RBFOX1: variants seen among roughly 807,000 people sequenced by gnomAD.
The protein encoded by RBFOX1 is RNA binding protein fox-1 homolog 1.
A neutral mutation model predicts 57.7 loss-of-function variants in RBFOX1; 8 were observed. The observed-to-expected ratio is 0.14, with a 90% CI of 0.08 to 0.25. The LOEUF is 0.25. Among genes scored for constraint, RBFOX1 ranks in the 10% least tolerant of loss-of-function variants. The pLI is 1.00. For missense variants in RBFOX1, 611 were observed against 548.5 expected, an observed-to-expected ratio of 1.11 and a Z score of -1.14; for synonymous variants, 326 against 222.4, an observed-to-expected ratio of 1.47 and a Z score of -4.15.
chr16:6,967,301 A>G (rs761431561), intron 3 of RBFOX1, among the ~76,000 whole-genome samples: 1 of 152,056 alleles, frequency 6.6e-6, no homozygotes, highest in Non-Finnish European at 1.5e-5. Flanking sequence ...TCCATTATTT[A>G]TGTATGGATC....
At chr16:6,615,372 C>G (rs899211557) in intron 2 of RBFOX1, among the ~76,000 whole-genome samples, 6 of 152,098 alleles carry the variant, frequency 3.9e-5, no homozygotes, top group Non-Finnish European at 7.4e-5. Context: ...GAGTTGGAGA[C>G]CAGCCTGGCC....
chr16:7,389,282 C>T (rs750891093), intron 4 of RBFOX1, among the ~76,000 whole-genome samples: 13 of 152,060 alleles, frequency 8.5e-5, no homozygotes, highest in East Asian at 1.9e-4. Context: ...TGTGTCACCA[C>T]GCCCAGCTAA....
At chr16:7,009,321 T>C (rs546147458) in intron 3 of RBFOX1, among the ~76,000 whole-genome samples, 8 of 149,842 alleles carry the variant, frequency 5.3e-5, no homozygotes, top group Non-Finnish European at 1.2e-4. Flanking sequence ...TCTCTTTCTT[T>C]GTACATGTAT....
intron 1 of RBFOX1, among the ~76,000 whole-genome samples, chr16:5,463,729 G>C (rs891865601): frequency 1.3e-5 from 2 of 151,150 alleles, no homozygotes; most frequent in Non-Finnish European, 2.9e-5. Context: ...GAACCCAGGA[G>C]ATGGAGGTTG....
chr16:6,812,809 C>A (rs2089067112), intron 3 of RBFOX1, among the ~76,000 whole-genome samples: 2 of 152,144 alleles, frequency 1.3e-5, no homozygotes, highest in Non-Finnish European at 2.9e-5. Context: ...TGTTTTACTC[C>A]ATTAGGTTTT....
chr16:6,447,984 C>T (rs935821586), intron 2 of RBFOX1, among the ~76,000 whole-genome samples: 1 of 152,076 alleles, frequency 6.6e-6, no homozygotes, highest in South Asian at 2.1e-4. Context: ...AAGAGTCTCT[C>T]TCTCTCTCTC....
intron 1 of RBFOX1, among the ~76,000 whole-genome samples, chr16:5,310,343 G>A (rs1211157753): frequency 1.3e-5 from 2 of 152,154 alleles, no homozygotes; most frequent in Admixed American, 6.5e-5. Context: ...GGAGGTTGCA[G>A]TGAGCCGAGA....
intron 4 of RBFOX1, among the ~76,000 whole-genome samples, chr16:7,505,272 G>C (rs906679750): frequency 2.0e-5 from 3 of 150,270 alleles, no homozygotes; most frequent in Non-Finnish European, 4.4e-5. Flanking sequence ...AACCAGACAA[G>C]GTTCCTATAC....
intron 4 of RBFOX1, among the ~76,000 whole-genome samples, chr16:7,346,717 T>C (rs1181548779): frequency 2.0e-5 from 3 of 152,106 alleles, no homozygotes; most frequent in Non-Finnish European, 4.4e-5. Context: ...TTATCTCTGA[T>C]CAATAACTGT....
downstream of RBFOX1, chr16:5,601,545 A>G (rs2047364700): frequency 6.6e-6 from 1 of 152,202 alleles, no homozygotes; most frequent in Non-Finnish European, 1.5e-5. Context: ...ATACAAGGGC[A>G]CGAGTACCTG....
chr16:5,291,143 A>T (rs2063524337), intron 1 of RBFOX1, among the ~76,000 whole-genome samples: 1 of 152,062 alleles, frequency 6.6e-6, no homozygotes. Flanking sequence ...GAGTGGTCCC[A>T]CCTTGGGCAT....
intron 3 of RBFOX1, among the ~76,000 whole-genome samples, chr16:6,943,766 C>T (rs1186284363): frequency 6.6e-6 from 1 of 151,764 alleles, no homozygotes; most frequent in East Asian, 1.9e-4. Context: ...TGGCCAATCC[C>T]AGCAGCTGAA....
At chr16:6,530,747 C>T (rs1348598436) in intron 2 of RBFOX1, among the ~76,000 whole-genome samples, 5 of 36,436 alleles carry the variant, frequency 1.4e-4, no homozygotes, top group South Asian at 7.5e-3. Flanking sequence ...TTTTATAAAC[C>T]GTCCCTTCCC....
chr16:7,364,638 G>C (rs1363479984), intron 4 of RBFOX1, among the ~76,000 whole-genome samples: 2 of 151,022 alleles, frequency 1.3e-5, no homozygotes, highest in African/African-American at 4.9e-5. Flanking sequence ...AGCCATTAGA[G>C]GCTGGCTGTA....
chr16:6,810,754 G>T (rs960192296), intron 3 of RBFOX1, among the ~76,000 whole-genome samples: 1 of 152,130 alleles, frequency 6.6e-6, no homozygotes, highest in African/African-American at 2.4e-5. Flanking sequence ...AGAGAACGGA[G>T]CAAGAGCAGA....
intron 3 of RBFOX1, among the ~76,000 whole-genome samples, chr16:6,956,843 G>C (rs1198887106): frequency 6.6e-6 from 1 of 152,142 alleles, no homozygotes; most frequent in Non-Finnish European, 1.5e-5. Flanking sequence ...CAAGGATTTG[G>C]ATGGGCTGGG....
In RBFOX1 at chr16:6,519,260, C is replaced by G. The variant is rs370250164; in HGVS notation, c.-63-135343C>G. Among the ~76,000 whole-genome samples the G allele has an allele frequency of 5.3e-5, 8 of 152,142 alleles. No individual in the cohort carries two copies. In the East Asian group the frequency reaches 5.8e-4, roughly 11 times the overall value. Reference sequence around the variant, plus strand: ...GTGAAGAGTGGGAGTGCTCTGTGCACCAGAAAGGGTCAAATGAAATGAGAA... The same window carrying G: ...GTGAAGAGTGGGAGTGCTCTGTGCAGCAGAAAGGGTCAAATGAAATGAGAA... On this transcript the variant is annotated intron_variant, in intron 2 of 15. Transcript: ENST00000550418.
Position 7,090,039 on chromosome 16 carries a change from C to G in RBFOX1, c.27+37941C>G, listed in dbSNP as rs12597523. Among the ~76,000 whole-genome samples the G allele has an allele frequency of 5.0e-3, 758 of 152,024 alleles. 12 individuals are homozygous for G. Among genetic ancestry groups the G allele is most frequent in the East Asian group, 0.027 (140 of 5,154 alleles). ...GGTTTTCCATTCTTTTCTTCTTCTT[C>G]TTTTTTAATGCAGAGGTTCTGCTCT... On this transcript the variant is annotated intron_variant, in intron 4 of 15. Transcript: ENST00000550418.
At chr16:6,122,662 C>G (rs1597504934) in intron 1 of RBFOX1, among the ~76,000 whole-genome samples, 1 of 152,046 alleles carries the variant, frequency 6.6e-6, no homozygotes, top group East Asian at 1.9e-4. Context: ...AGTCAGCACC[C>G]TGGGGCTCAC....
Sources: gnomAD v4.1 joint callset for allele counts (sites outside exome capture counted in the v4.1 genomes callset) on GRCh38, gnomAD v4.1.1 for gene constraint, MANE v1.5 for transcripts, NCBI Gene and HGNC (gene_info 2026-07-23, HGNC 2026-07-21) for gene names.